KIF5C: variants seen among roughly 807,000 people sequenced by gnomAD.
The protein encoded by KIF5C is kinesin family member 5C, also known as kinesin heavy chain isoform 5C.
Under a neutral mutation model 125.2 loss-of-function variants are expected in KIF5C, and 18 were observed. That is an observed-to-expected ratio of 0.14 (90% CI 0.10 to 0.21). The LOEUF (loss-of-function observed/expected upper bound fraction) is 0.21, where lower values mean the gene tolerates loss of function less well. Among genes scored for constraint, KIF5C ranks in the 10% least tolerant of loss-of-function variants. The pLI is 1.00. For missense variants in KIF5C, 780 were observed against 1,183.8 expected (o/e 0.66, Z 5.01); for synonymous variants, 405 against 434.0 (o/e 0.93, Z 0.83).
In KIF5C at chr2:148,983,100, T is replaced by C. The variant is rs180936094; in HGVS notation, c.1570-520T>C. 6.6e-4 allele frequency among the ~76,000 whole-genome samples: 100 copies of C among 152,274 alleles called. 3 individuals carry two copies. The highest frequency in any genetic ancestry group is 5.5e-3 in the Admixed American group (84 of 15,294). On this transcript the variant is annotated intron_variant, in intron 14 of 25. Transcript: ENST00000435030. Reference sequence around the variant, plus strand: ...TTTAATTCAGCTTCACTCTGAAAATTGGAAGACTTTTTTTTTTGAAGTTGT... The same window carrying C: ...TTTAATTCAGCTTCACTCTGAAAATCGGAAGACTTTTTTTTTTGAAGTTGT...
chr2:148,926,105 G>A (rs1301139057), intron 2 of KIF5C, among the ~76,000 whole-genome samples: 1 of 152,248 alleles, frequency 6.6e-6, no homozygotes, highest in Non-Finnish European at 1.5e-5. Flanking sequence ...CTACTGATGG[G>A]TAGGTATGAT....
chr2:148,891,434 A>G (rs1681704792), intron 1 of KIF5C, among the ~76,000 whole-genome samples: 1 of 151,962 alleles, frequency 6.6e-6, no homozygotes, highest in Admixed American at 6.6e-5. Context: ...ACCTCAAACC[A>G]GACACAAATC....
At position 149,000,730 on chromosome 2, in the gene KIF5C, A is replaced by G. The variant is rs746458742; in HGVS notation, c.2321A>G (p.Asn774Ser). 2 of 1,613,950 alleles carry G rather than the reference A, an allele frequency of 1.2e-6. No individual in the cohort carries two copies. Among genetic ancestry groups the G allele is most frequent in the Non-Finnish European group, 1.7e-6 (2 of 1,179,880 alleles). The change falls in exon 21 of 26, where the codon AAC becomes AGC. Residue 774 changes from asparagine (N) to serine (S), a missense_variant. Physicochemically the swap from Asn to Ser is conservative, Grantham distance 46. Around this residue, in one of 2 missense-constraint regions of KIF5C, gnomAD observed 573 missense variants for 742.6 expected, o/e 0.77. Transcript: ENST00000435030. ...TCCTTTTTGTTTTTCAGATTGCTCA[A>G]CGATAAAAGGGAACAAGCCAGAGAA... ...EMKLEKLLLL[N>S]DKREQAREDL...
intron 10 of KIF5C, among the ~76,000 whole-genome samples, chr2:148,953,425 G>T (rs2105118180): frequency 6.6e-6 from 1 of 152,312 alleles, no homozygotes; most frequent in African/African-American, 2.4e-5. Context: ...ATTTAAGGAT[G>T]CTGAGCTATT....
At chr2:148,960,431 T>A (rs72866044) in intron 10 of KIF5C, among the ~76,000 whole-genome samples, 1 of 152,320 alleles carries the variant, frequency 6.6e-6, no homozygotes, top group Non-Finnish European at 1.5e-5. Context: ...CTGAGAAGCA[T>A]CCACAGTACT....
At chr2:148,946,861 A>T in intron 7 of KIF5C, 38 bp from the exon 8 acceptor site, 2 of 1,604,408 alleles carry the variant, frequency 1.2e-6, no homozygotes, top group South Asian at 1.1e-5. Context: ...CTAAACCTAC[A>T]TGTTCTTTGT....
At chr2:148,879,679 A>G (rs1681293428) in intron 1 of KIF5C, 1 of 152,230 alleles carries the variant, frequency 6.6e-6, no homozygotes, top group Admixed American at 6.5e-5. Context: ...TGAGTCATCC[A>G]TTACTTTGGG....
At chr2:148,891,268 T>A (rs927824561) in intron 1 of KIF5C, among the ~76,000 whole-genome samples, 1 of 152,226 alleles carries the variant, frequency 6.6e-6, no homozygotes, top group Admixed American at 6.5e-5. Flanking sequence ...GAAGATGTAA[T>A]TTATTCAGGA....
At chr2:148,958,736 CTT>C (rs776671794) in intron 10 of KIF5C, among the ~76,000 whole-genome samples, 1 of 152,110 alleles carries the variant, frequency 6.6e-6, no homozygotes, top group Non-Finnish European at 1.5e-5. Context: ...AATCCCAGCA[CTT>C]TGGGAGGTTG....
intron 13 of KIF5C, among the ~76,000 whole-genome samples, chr2:148,979,346 A>T (rs1468951898): frequency 6.6e-6 from 1 of 152,130 alleles, no homozygotes; most frequent in Non-Finnish European, 1.5e-5. Context: ...GCAGTGGTGC[A>T]ATCATGGCTC....
intron 1 of KIF5C, among the ~76,000 whole-genome samples, chr2:148,915,641 C>T (rs1383319410): frequency 6.6e-6 from 1 of 152,206 alleles, no homozygotes; most frequent in Non-Finnish European, 1.5e-5. Context: ...TTAGGACCTA[C>T]TGAATGAAAG....
intron 3 of KIF5C, among the ~76,000 whole-genome samples, chr2:148,933,959 C>T (rs1682231442): frequency 6.6e-6 from 1 of 151,338 alleles, no homozygotes; most frequent in South Asian, 2.1e-4. Flanking sequence ...TATACCCACA[C>T]AGACACACTA....
intron 13 of KIF5C, among the ~76,000 whole-genome samples, chr2:148,979,664 T>C (rs1196995323): frequency 6.6e-6 from 1 of 152,156 alleles, no homozygotes; most frequent in Non-Finnish European, 1.5e-5. Context: ...CTTGCTCAGA[T>C]CTTTGATATA....
intron 8 of KIF5C, among the ~76,000 whole-genome samples, chr2:148,947,635 C>A (rs1464638136): frequency 6.6e-6 from 1 of 152,240 alleles, no homozygotes; most frequent in Admixed American, 6.5e-5. Flanking sequence ...CGTCTACACC[C>A]TGACCCATGC....
At chr2:149,014,364 T>C (rs1315166634) in intron 25 of KIF5C, among the ~76,000 whole-genome samples, 1 of 152,196 alleles carries the variant, frequency 6.6e-6, no homozygotes, top group African/African-American at 2.4e-5. Context: ...ACAAGTGGTT[T>C]TGATGGTTTT....
rs1402875778 is a variant in KIF5C at position 149,025,007 on chromosome 2, T to G, written c.*1937T>G. The G allele has an allele frequency of 6.6e-6, 1 of 152,286 alleles. No individual in the cohort carries two copies. Among genetic ancestry groups the G allele is most frequent in the Non-Finnish European group, 1.5e-5 (1 of 68,040 alleles). 9.4% of individuals were successfully genotyped at this position (152,286 alleles called of 1,614,324 possible). A position where few individuals can be genotyped will look rare whatever the true frequency, so the allele number is the denominator to read the frequency against. On this transcript the variant is annotated 3_prime_UTR_variant, in exon 26 of 26. Coordinates refer to ENST00000435030, the MANE Select transcript of KIF5C (RefSeq NM_004522.3). The stretch of plus-strand genomic sequence containing the variant: ...TGTCATTACCACTACTCTCCATTAC[T>G]TTTTGTTTGGAAATTGAACAAAGGT...
chr2:148,930,509 C>T (rs979880504), intron 3 of KIF5C, among the ~76,000 whole-genome samples: 6 of 152,076 alleles, frequency 3.9e-5, no homozygotes, highest in African/African-American at 1.2e-4. Context: ...ATCCTTCCAG[C>T]TTAGTGTTTT....
At chr2:148,981,668 T>TTG in intron 14 of KIF5C, 107 bp downstream of exon 14, 1 of 1,449,084 alleles carries the variant, frequency 6.9e-7, no homozygotes, top group Admixed American at 2.7e-5. Flanking sequence ...GCTGAATAGT[T>TTG]ATTCAGTGTT....
rs1682378032 is a variant in KIF5C, at chr2:149,016,911, G to C, written c.*7+5228G>C. Among the ~76,000 whole-genome samples the C allele has an allele frequency of 1.3e-5, 2 of 152,174 alleles. 1 individual carries two copies. The highest frequency in any genetic ancestry group is 2.9e-5 in the Non-Finnish European group (2 of 68,032). On this transcript the variant is annotated intron_variant, in intron 25 of 25. Coordinates refer to ENST00000435030, the MANE Select transcript of KIF5C (RefSeq NM_004522.3). ...GAAAATGGGAAGGCCAGAGAAAAGAGGTGGCACCAGCAGAGGGGCCTGAGG... is the reference window on the plus strand; with the variant it reads ...GAAAATGGGAAGGCCAGAGAAAAGACGTGGCACCAGCAGAGGGGCCTGAGG...
Sources: gnomAD v4.1 joint callset for allele counts (sites outside exome capture counted in the v4.1 genomes callset) on GRCh38, gnomAD v4.1.1 for gene constraint, gnomAD v4.1.1 regional missense constraint, MANE v1.5 for transcripts, NCBI Gene and HGNC (gene_info 2026-07-23, HGNC 2026-07-21) for gene names.